The following SAMMSON variants were observed in gnomAD, a reference collection of about 807,000 sequenced individuals.
SAMMSON encodes survival associated mitochondrial melanoma specific oncogenic non-coding RNA, also known as long intergenic non-protein coding RNA 1212.
chr3:70,145,331 A>G (rs150530230), intron 4 of SAMMSON, among the ~76,000 whole-genome samples: 34 of 152,244 alleles, frequency 2.2e-4, no homozygotes, highest in African/African-American at 8.2e-4. Flanking sequence ...TGCAGAACTG[A>G]ACAACACTAT....
chr3:70,054,455 G>T (rs1180969116), intron 3 of SAMMSON, among the ~76,000 whole-genome samples: 1 of 152,040 alleles, frequency 6.6e-6, no homozygotes, highest in Non-Finnish European at 1.5e-5. Flanking sequence ...CCTCCTCTTG[G>T]ATCCTGTGTC....
intron 4 of SAMMSON, among the ~76,000 whole-genome samples, chr3:70,244,975 T>C (rs1701693190): frequency 1.3e-5 from 2 of 152,138 alleles, no homozygotes; most frequent in South Asian, 4.1e-4. Context: ...ATACTACTTA[T>C]CTGGTGCTAT....
chr3:70,350,475 A>G (rs968623939), intron 7 of SAMMSON, among the ~76,000 whole-genome samples: 1 of 152,136 alleles, frequency 6.6e-6, no homozygotes. Flanking sequence ...TTAATAAATT[A>G]TACTGGAAAC....
At chr3:70,358,576 G>A (rs1702846629) in intron 9 of SAMMSON, among the ~76,000 whole-genome samples, 1 of 152,164 alleles carries the variant, frequency 6.6e-6, no homozygotes, top group African/African-American at 2.4e-5. Context: ...TCATTGGCCA[G>A]AAGTGGCATA....
intron 4 of SAMMSON, among the ~76,000 whole-genome samples, chr3:70,141,470 T>G (rs534973577): frequency 6.6e-6 from 1 of 152,324 alleles, no homozygotes; most frequent in East Asian, 1.9e-4. Flanking sequence ...CCCATGTTGA[T>G]GAGAGTGATC....
At chr3:70,309,381 G>T (rs1040082591) in intron 7 of SAMMSON, among the ~76,000 whole-genome samples, 6 of 152,106 alleles carry the variant, frequency 3.9e-5, no homozygotes, top group African/African-American at 1.4e-4. Flanking sequence ...ATGGTTCAAA[G>T]TGTGAACTAA....
At chr3:70,002,228 A>C (rs920254862) in intron 1 of SAMMSON, among the ~76,000 whole-genome samples, 2 of 152,220 alleles carry the variant, frequency 1.3e-5, no homozygotes, top group African/African-American at 4.8e-5. Flanking sequence ...TTTTGTAGAA[A>C]TACATTTGTA....
intron 4 of SAMMSON, among the ~76,000 whole-genome samples, chr3:70,192,697 C>T (rs1701140236): frequency 6.6e-6 from 1 of 152,192 alleles, no homozygotes; most frequent in South Asian, 2.1e-4. Flanking sequence ...CATCCAGCTA[C>T]ATTTGCATCT....
chr3:70,181,358 T>A (rs574070183), intron 4 of SAMMSON, among the ~76,000 whole-genome samples: 2 of 152,330 alleles, frequency 1.3e-5, no homozygotes, highest in East Asian at 1.9e-4. Context: ...GCTAAAGGAA[T>A]GCAAGTGTGG....
intron 9 of SAMMSON, among the ~76,000 whole-genome samples, chr3:70,386,001 C>T (rs1424955036): frequency 1.3e-5 from 2 of 152,076 alleles, no homozygotes; most frequent in South Asian, 2.1e-4. Flanking sequence ...TTTGAACAAA[C>T]ATCCCAACTC....
At chr3:70,145,100 G>T (rs1170039789) in intron 4 of SAMMSON, among the ~76,000 whole-genome samples, 2 of 152,120 alleles carry the variant, frequency 1.3e-5, no homozygotes, top group East Asian at 1.9e-4. Context: ...ACCCAGGACT[G>T]CTGCAGCCAT....
At chr3:70,292,410 A>G (rs1009257367) in intron 7 of SAMMSON, among the ~76,000 whole-genome samples, 1 of 152,136 alleles carries the variant, frequency 6.6e-6, no homozygotes, top group Admixed American at 6.5e-5. Flanking sequence ...AGTAAACTCA[A>G]TTATTGTCAC....
At chr3:70,244,829 T>C (rs934978726) in intron 4 of SAMMSON, among the ~76,000 whole-genome samples, 5 of 152,248 alleles carry the variant, frequency 3.3e-5, no homozygotes, top group African/African-American at 1.2e-4. Context: ...CCTCTCACAT[T>C]CCTATGTGCT....
intron 4 of SAMMSON, among the ~76,000 whole-genome samples, chr3:70,209,936 T>C (rs12714760): frequency 0.99 from 150,768 of 152,208 alleles, 74,683 homozygotes; most frequent in East Asian, 1. Flanking sequence ...CATTAGAGAG[T>C]AGCTCAGAAA....
At chr3:70,011,738 C>G (rs955755343) in intron 1 of SAMMSON, among the ~76,000 whole-genome samples, 11 of 151,726 alleles carry the variant, frequency 7.2e-5, no homozygotes, top group African/African-American at 2.7e-4. Flanking sequence ...TAATGCCATT[C>G]AAACATAGCC....
chr3:70,225,453 A>C (rs1701494797), intron 4 of SAMMSON, among the ~76,000 whole-genome samples: 1 of 152,204 alleles, frequency 6.6e-6, no homozygotes, highest in African/African-American at 2.4e-5. Flanking sequence ...TTATCTCAAA[A>C]ACATTGTAAA....
At chr3:70,178,133 G>A (rs1016877869) in intron 4 of SAMMSON, among the ~76,000 whole-genome samples, 3 of 152,090 alleles carry the variant, frequency 2.0e-5, no homozygotes, top group African/African-American at 7.2e-5. Context: ...CTTCCCCCAG[G>A]AGGGCTGTCC....
At chr3:70,104,607 C>A (rs530647593) in intron 4 of SAMMSON, among the ~76,000 whole-genome samples, 1 of 152,098 alleles carries the variant, frequency 6.6e-6, no homozygotes, top group East Asian at 1.9e-4. Flanking sequence ...CAAACCGTGT[C>A]GGACCTTTAC....
chr3:70,161,185 G>A (rs888946545), intron 4 of SAMMSON, among the ~76,000 whole-genome samples: 11 of 151,696 alleles, frequency 7.3e-5, no homozygotes, highest in Non-Finnish European at 1.3e-4. Context: ...CTATCTAATT[G>A]CACTGGCTTA....
Sources: allele counts gnomAD v4.1 joint callset (sites outside exome capture counted in the v4.1 genomes callset), GRCh38; gene constraint gnomAD v4.1.1; transcripts MANE v1.5; gene names NCBI Gene and HGNC (gene_info 2026-07-23, HGNC 2026-07-21).